Variants in CAMTA1 observed in about 807,000 individuals in gnomAD.
CAMTA1 encodes the protein calmodulin binding transcription activator 1, also known as calmodulin-binding transcription activator 1.
Under a neutral mutation model 170.9 loss-of-function variants are expected in CAMTA1, and 27 were observed. The observed-to-expected ratio is 0.16, with a 90% CI of 0.12 to 0.22. The LOEUF is 0.22. Ranked by LOEUF, CAMTA1 falls within the 10% of genes least tolerant of loss-of-function variation. The pLI is 1.00. For missense variants in CAMTA1, 1,619 were observed against 2,217.2 expected, an observed-to-expected ratio of 0.73 and a Z score of 5.42; for synonymous variants, 833 against 891.5, an observed-to-expected ratio of 0.93 and a Z score of 1.17.
chr1:6,973,319 C>T (rs926330523), intron 3 of CAMTA1, among the ~76,000 whole-genome samples: 20 of 152,312 alleles, frequency 1.3e-4, no homozygotes, highest in Admixed American at 8.5e-4. Flanking sequence ...CCACTGCAGT[C>T]ATTGCTTCTA....
At chr1:7,705,423 T>TGC (rs1360698624) in intron 11 of CAMTA1, among the ~76,000 whole-genome samples, 3 of 146,672 alleles carry the variant, frequency 2.0e-5, no homozygotes, top group African/African-American at 7.6e-5. Context: ...CGTGTCTGGG[T>TGC]GCGCGCGCGG....
At chr1:7,153,698 C>T (rs1257487216) in intron 4 of CAMTA1, among the ~76,000 whole-genome samples, 6 of 152,088 alleles carry the variant, frequency 3.9e-5, no homozygotes, top group Admixed American at 6.5e-5. Context: ...ATCTGGTGGG[C>T]GGGGACATTG....
intron 4 of CAMTA1, among the ~76,000 whole-genome samples, chr1:7,177,648 T>C (rs991932051): frequency 1.4e-5 from 2 of 145,580 alleles, no homozygotes; most frequent in Non-Finnish European, 3.0e-5. Flanking sequence ...CTCCCACACA[T>C]TGAGGCCTCC....
intron 4 of CAMTA1, among the ~76,000 whole-genome samples, chr1:7,233,316 G>A (rs995831445): frequency 6.6e-6 from 1 of 152,162 alleles, no homozygotes; most frequent in East Asian, 1.9e-4. Flanking sequence ...GGCTGAACAT[G>A]AGCCAGGCGC....
At chr1:6,857,219 A>G (rs755499436) in intron 3 of CAMTA1, among the ~76,000 whole-genome samples, 4 of 152,124 alleles carry the variant, frequency 2.6e-5, no homozygotes, top group Non-Finnish European at 4.4e-5. Flanking sequence ...GGAGCTGGAG[A>G]TAACTGGATG....
chr1:6,814,538 T>C (rs4908424), intron 1 of CAMTA1, among the ~76,000 whole-genome samples: 43,762 of 151,978 alleles, frequency 0.29, 6,648 homozygotes, highest in Admixed American at 0.39. Flanking sequence ...GCCACTGCTG[T>C]GAGAACAGTC....
At chr1:7,392,454 C>A (rs1317254089) in intron 5 of CAMTA1, among the ~76,000 whole-genome samples, 2 of 150,128 alleles carry the variant, frequency 1.3e-5, no homozygotes, top group Admixed American at 1.3e-4. Context: ...CGGGTTTCTC[C>A]ATGTTGGTCA....
Position 7,232,629 on chromosome 1 carries a change from C to T in CAMTA1, c.303-16862C>T, listed in dbSNP as rs183483662. ...CCGGTGCCTACCACGGGGCCAGGCA[C>T]GTAGGGAGCCTCCAGAAACAGGTTG... On this transcript the variant is annotated intron_variant, in intron 4 of 22. Coordinates refer to ENST00000303635, the MANE Select transcript of CAMTA1 (RefSeq NM_015215.4). Among the ~76,000 whole-genome samples, 27 of 152,270 alleles carry T rather than the reference C, an allele frequency of 1.8e-4. No individual in the cohort carries two copies. In the East Asian group the frequency reaches 3.7e-3, roughly 21 times the overall value.
chr1:7,289,733 T>C (rs535050083), intron 5 of CAMTA1, among the ~76,000 whole-genome samples: 11 of 152,268 alleles, frequency 7.2e-5, no homozygotes, highest in African/African-American at 2.6e-4. Context: ...ACACACAGAC[T>C]CAGGGCAGGC....
chr1:7,356,105 C>T (rs138815937), intron 5 of CAMTA1, among the ~76,000 whole-genome samples: 161 of 152,308 alleles, frequency 1.1e-3, no homozygotes, highest in African/African-American at 3.7e-3. Context: ...GATGATTGGA[C>T]GGGTTTGGGA....
Position 6,857,197 on chromosome 1 carries a change from AG to A in CAMTA1, c.234+31989del, listed in dbSNP as rs1451953015. Among the ~76,000 whole-genome samples the A allele has an allele frequency of 2.0e-5, 3 of 152,196 alleles. No individual in the cohort carries two copies. The East Asian group carries it at 5.8e-4, about 29-fold the overall frequency. ...AAAGTTAACGGTGGAGGTGGCGCCA[AG>A]GCCCAGCAGTGGAGCTGGAGATAAC... On this transcript the variant is annotated intron_variant, in intron 3 of 22. Coordinates refer to ENST00000303635, the MANE Select transcript of CAMTA1 (RefSeq NM_015215.4).
At chr1:6,926,830 A>G (rs141831960) in intron 3 of CAMTA1, among the ~76,000 whole-genome samples, 2,216 of 151,568 alleles carry the variant, frequency 0.015, 44 homozygotes, top group African/African-American at 0.05. Flanking sequence ...TCTTGGGCTC[A>G]AATGATCCTC....
At chr1:7,710,345 C>A (rs1305848114) in intron 11 of CAMTA1, among the ~76,000 whole-genome samples, 1 of 152,138 alleles carries the variant, frequency 6.6e-6, no homozygotes, top group African/African-American at 2.4e-5. Context: ...CACCTGTAAT[C>A]CCAGCATGTT....
At chr1:7,024,364 T>TA (rs1341052562) in intron 3 of CAMTA1, among the ~76,000 whole-genome samples, 2 of 152,044 alleles carry the variant, frequency 1.3e-5, no homozygotes, top group African/African-American at 4.8e-5. Context: ...AGAGATACCT[T>TA]AAAAAAACCA....
intron 6 of CAMTA1, among the ~76,000 whole-genome samples, chr1:7,486,760 T>G (rs774853265): frequency 1.6e-3 from 251 of 152,312 alleles, no homozygotes; most frequent in Non-Finnish European, 2.3e-3. Flanking sequence ...ATGGTCAAAA[T>G]GACACTCTGG....
chr1:7,689,563 A>G (rs1430681468), intron 11 of CAMTA1, among the ~76,000 whole-genome samples: 1 of 152,102 alleles, frequency 6.6e-6, no homozygotes, highest in Admixed American at 6.5e-5. Flanking sequence ...TGAGTGACAG[A>G]GCGAGACCAT....
In CAMTA1 at chr1:7,144,279, G is replaced by A. The variant is rs1646056066; in HGVS notation, c.302+52908G>A. The stretch of plus-strand genomic sequence containing the variant: ...TGTGTGTGTTTGTGTGTATGAGTGT[G>A]TGTTTGTGTGTATGAGTGTGTGAGA... On this transcript the variant is annotated intron_variant, in intron 4 of 22. Transcript: ENST00000303635. The surrounding 1 kb of genome is among the most constrained non-coding windows in gnomAD (Gnocchi z 4.0). Among the ~76,000 whole-genome samples the A allele has an allele frequency of 6.6e-6, 1 of 152,084 alleles. No homozygotes were observed. The highest frequency in any genetic ancestry group is 1.5e-5 in the Non-Finnish European group (1 of 68,024).
intron 5 of CAMTA1, among the ~76,000 whole-genome samples, chr1:7,447,569 C>T (rs1186139828): frequency 6.6e-6 from 1 of 152,118 alleles, no homozygotes; most frequent in Non-Finnish European, 1.5e-5. Context: ...TGCTCACCTC[C>T]ACCTGGCACT....
Position 7,738,273 on chromosome 1 carries a change from G to A in CAMTA1, c.3973G>A (p.Asp1325Asn), listed in dbSNP as rs1362928495. ...SQPVGKWNSK[D>N]LYIGVSTVQV... is the part of the protein sequence containing the mutation. Reference sequence around the variant, plus strand: ...GCCTGTAGGAAAGTGGAATTCCAAAGATCTTTACATTGGTGTGTCTACAGT... The same window carrying A: ...GCCTGTAGGAAAGTGGAATTCCAAAAATCTTTACATTGGTGTGTCTACAGT... Residue 1325 changes from aspartate (D) to asparagine (N), a missense_variant, in exon 16 of 23, where the codon GAT becomes AAT. Physicochemically the swap from Asp to Asn is conservative, Grantham distance 23. Transcript: ENST00000303635. This position sits in a 1 kb window ranked among gnomAD's most constrained non-coding sequence, Gnocchi z 4.9. The A allele has an allele frequency of 1.2e-6, 2 of 1,614,008 alleles. No homozygotes were observed. Among genetic ancestry groups the A allele is most frequent in the Admixed American group, 1.7e-5 (1 of 60,004 alleles).
Sources: gnomAD v4.1 joint callset for allele counts (sites outside exome capture counted in the v4.1 genomes callset) on GRCh38, gnomAD v4.1.1 for gene constraint, Gnocchi (gnomAD v3.1) non-coding constraint, MANE v1.5 for transcripts, NCBI Gene and HGNC (gene_info 2026-07-23, HGNC 2026-07-21) for gene names.